The following PTPN5 variants were observed in gnomAD, a reference collection of about 807,000 sequenced individuals.
The protein encoded by PTPN5 is protein tyrosine phosphatase non-receptor type 5, also known as tyrosine-protein phosphatase non-receptor type 5.
A neutral mutation model predicts 73.9 loss-of-function variants in PTPN5; 29 were observed. The ratio of observed to expected loss-of-function variants is 0.39; its 90% CI spans 0.29 to 0.54. The LOEUF (loss-of-function observed/expected upper bound fraction) is 0.54, where lower values mean the gene tolerates loss of function less well. Ranked by LOEUF, PTPN5 falls within the 20% of genes least tolerant of loss-of-function variation. The pLI, the probability that PTPN5 is intolerant of heterozygous loss-of-function variation, is 0.65. For synonymous variants in PTPN5, 267 were observed against 304.7 expected, an observed-to-expected ratio of 0.88 and a Z score of 1.29; for missense variants, 652 against 751.4, an observed-to-expected ratio of 0.87 and a Z score of 1.55.
chr11:18,750,431 C>A (rs1218633191), intron 3 of PTPN5, among the ~76,000 whole-genome samples: 1 of 152,194 alleles, frequency 6.6e-6, no homozygotes. Context: ...CTGCCCGCCA[C>A]ACCACGTCAT....
chr11:18,729,067 G>A lies in PTPN5; in HGVS notation c.1605-40C>T. 6.2e-7 allele frequency: 1 copy of A among 1,601,004 alleles called. No individual in the cohort carries two copies. Among genetic ancestry groups the A allele is most frequent in the Non-Finnish European group, 8.5e-7 (1 of 1,173,930 alleles). ...TGCACAGTGGGGGCAGGGTCGTGGA[G>A]GGATGGGCTGTGGGAGGTGCCCCAA... On this transcript the variant is annotated intron_variant, in intron 14 of 14. Transcript: ENST00000358540. This position sits in a 1 kb window ranked among gnomAD's most constrained non-coding sequence, Gnocchi z 5.2.
In PTPN5 at chr11:18,741,179, G is replaced by T. The variant is rs577055955; in HGVS notation, c.726-387C>A. On this transcript the variant is annotated intron_variant, in intron 7 of 14. Transcript: ENST00000358540. ...ACACCTGCCTGAAGCACAGAAGCGG[G>T]GCTTGGGCCCGAGAGGATGGCTCCA... 2.6e-5 allele frequency among the ~76,000 whole-genome samples: 4 copies of T among 152,276 alleles called. No homozygotes were observed. In the South Asian group the frequency reaches 8.3e-4, roughly 32 times the overall value.
At chr11:18,788,893 G>T (rs1851789171) in intron 1 of PTPN5, among the ~76,000 whole-genome samples, 1 of 152,190 alleles carries the variant, frequency 6.6e-6, no homozygotes, top group Non-Finnish European at 1.5e-5. Flanking sequence ...TGTCTTATGA[G>T]GAGTAAGTGA....
At chr11:18,759,746 A>G (rs2403300) in intron 3 of PTPN5, among the ~76,000 whole-genome samples, 1 of 64,520 alleles carries the variant, frequency 1.5e-5, no homozygotes, top group Admixed American at 1.3e-4. Context: ...ATAAAAATCA[A>G]CAGAACCTCT....
At position 18,733,643 on chromosome 11, in the gene PTPN5, G is replaced by C. The variant is rs201042740; in HGVS notation, c.1001-8C>G. ...ACACTCTGCTGTGAGGGTCTGGGGT[G>C]GTGGGAGACAAGTAAGGCTGGAAAC... On this transcript the variant is annotated splice_region_variant and splice_polypyrimidine_tract_variant and intron_variant, in intron 9 of 14. Coordinates refer to ENST00000358540, the MANE Select transcript of PTPN5 (RefSeq NM_006906.2). The surrounding 1 kb of genome is among the most constrained non-coding windows in gnomAD (Gnocchi z 4.3). 31 of 1,614,128 alleles carry C rather than the reference G, an allele frequency of 1.9e-5. 1 individual carries two copies. The South Asian group carries it at 3.2e-4, about 17-fold the overall frequency.
chr11:18,781,186 C>A (rs1334946360), intron 1 of PTPN5, among the ~76,000 whole-genome samples: 1 of 152,038 alleles, frequency 6.6e-6, no homozygotes, highest in Non-Finnish European at 1.5e-5. Context: ...CTGAGCTGCG[C>A]TACTTTGCAC....
chr11:18,734,048 G>T (rs1849009895), intron 9 of PTPN5, among the ~76,000 whole-genome samples: 1 of 152,144 alleles, frequency 6.6e-6, no homozygotes, highest in South Asian at 2.1e-4. Context: ...TAAAACACAT[G>T]GCCTTTCTAA....
At chr11:18,755,171 G>A (rs1246221046) in intron 3 of PTPN5, among the ~76,000 whole-genome samples, 1 of 152,172 alleles carries the variant, frequency 6.6e-6, no homozygotes, top group Non-Finnish European at 1.5e-5. Flanking sequence ...CTTGTGTGGC[G>A]AGGTACTGAG....
chr11:18,777,510 C>T (rs929357572), intron 1 of PTPN5, among the ~76,000 whole-genome samples: 5 of 152,202 alleles, frequency 3.3e-5, no homozygotes, highest in Admixed American at 6.5e-5. Flanking sequence ...TCTCCTCCCA[C>T]GGATAAGGTC....
rs879465746 is a variant in PTPN5, at chr11:18,765,878, T to C, written c.26A>G (p.Glu9Gly). 9 of 1,574,480 alleles carry C rather than the reference T, an allele frequency of 5.7e-6. No individual in the cohort carries two copies. Among genetic ancestry groups the C allele is most frequent in the Non-Finnish European group, 7.8e-6 (9 of 1,158,688 alleles). The change falls in exon 3 of 15, where the codon GAG becomes GGG. Residue 9 changes from glutamate (E) to glycine (G), a missense_variant. By Grantham distance (98) the Glu-to-Gly change is moderately conservative. Coordinates refer to ENST00000358540, the MANE Select transcript of PTPN5 (RefSeq NM_006906.2). ...GTCATCAGCAGCGTGGTTCTCTCTC[T>C]CACTCCTGCAGCAGGATGGAAAAGG... The part of the protein sequence containing the change: MNYEGARS[E>G]RENHAADDSE...
intron 3 of PTPN5, among the ~76,000 whole-genome samples, chr11:18,761,850 A>T (rs1342386653): frequency 6.6e-6 from 1 of 152,108 alleles, no homozygotes; most frequent in African/African-American, 2.4e-5. Flanking sequence ...GAGAGAGGTG[A>T]GTGTGCAAGA....
chr11:18,755,690 A>G (rs1308608838), intron 3 of PTPN5, among the ~76,000 whole-genome samples: 2 of 152,068 alleles, frequency 1.3e-5, no homozygotes, highest in Non-Finnish European at 2.9e-5. Context: ...GGTGATGTTC[A>G]ACAGGGATAT....
chr11:18,752,757 C>CA (rs1849949297), intron 3 of PTPN5, among the ~76,000 whole-genome samples: 1 of 152,222 alleles, frequency 6.6e-6, no homozygotes, highest in South Asian at 2.1e-4. Context: ...TTGCTTCCCC[C>CA]AGCAGCTGCC....
chr11:18,756,387 C>T (rs1013782265), intron 3 of PTPN5, among the ~76,000 whole-genome samples: 1 of 149,166 alleles, frequency 6.7e-6, no homozygotes, highest in African/African-American at 2.5e-5. Context: ...ACCTCTGCTT[C>T]CCGGGTTCAA....
At position 18,733,194 on chromosome 11, in the gene PTPN5, G is replaced by T. The variant is rs1285883123; in HGVS notation, c.1218+41C>A. ...GAGAACAAGATACTTAGTGTAGGGC[G>T]CAATGTAGCAGACACTTAGAATGGG... On this transcript the variant is annotated intron_variant, in intron 11 of 14. Coordinates refer to ENST00000358540, the MANE Select transcript of PTPN5 (RefSeq NM_006906.2). The surrounding 1 kb of genome is among the most constrained non-coding windows in gnomAD (Gnocchi z 4.3). The T allele has an allele frequency of 6.3e-7, 1 of 1,594,576 alleles. No individual in the cohort carries two copies. The highest frequency in any genetic ancestry group is 8.6e-7 in the Non-Finnish European group (1 of 1,165,132).
At chr11:18,763,604 G>A (rs964181827) in intron 3 of PTPN5, among the ~76,000 whole-genome samples, 8 of 152,142 alleles carry the variant, frequency 5.3e-5, no homozygotes, top group African/African-American at 1.4e-4. Flanking sequence ...TCTCTGCTGC[G>A]GCTTCATCCC....
intron 3 of PTPN5, among the ~76,000 whole-genome samples, chr11:18,748,929 C>T (rs1046247825): frequency 3.9e-5 from 6 of 152,066 alleles, no homozygotes; most frequent in Non-Finnish European, 8.8e-5. Flanking sequence ...GGTCCTAGGC[C>T]CGTTTGTTCT....
At chr11:18,760,970 A>G (rs1850358858) in intron 3 of PTPN5, among the ~76,000 whole-genome samples, 1 of 152,220 alleles carries the variant, frequency 6.6e-6, no homozygotes, top group African/African-American at 2.4e-5. Flanking sequence ...GAGGGTAGAC[A>G]CTGTCTCCTG....
rs2134180409 is a variant in PTPN5 at position 18,729,127 on chromosome 11, C to T, written c.1605-100G>A. On this transcript the variant is annotated intron_variant, in intron 14 of 14. Transcript: ENST00000358540. The surrounding 1 kb of genome is among the most constrained non-coding windows in gnomAD (Gnocchi z 5.2). ...AGTAGCAATCACTTGCCAGGCCTTGCCCCTGTGCGTCTTGGAGAGACCAAC... is the reference window on the plus strand; with the variant it reads ...AGTAGCAATCACTTGCCAGGCCTTGTCCCTGTGCGTCTTGGAGAGACCAAC... 7.8e-7 allele frequency: 1 copy of T among 1,275,756 alleles called. No individual in the cohort carries two copies. The highest frequency in any genetic ancestry group is 1.3e-5 in the South Asian group (1 of 79,378). 79.0% of individuals were successfully genotyped at this position (1,275,756 alleles called of 1,614,324 possible). A position where few individuals can be genotyped will look rare whatever the true frequency, so the allele number is the denominator to read the frequency against.
Sources: gnomAD v4.1 joint callset for allele counts (sites outside exome capture counted in the v4.1 genomes callset) on GRCh38, gnomAD v4.1.1 for gene constraint, Gnocchi (gnomAD v3.1) non-coding constraint, MANE v1.5 for transcripts, NCBI Gene and HGNC (gene_info 2026-07-23, HGNC 2026-07-21) for gene names.